RTN4: variants seen among roughly 807,000 people sequenced by gnomAD.
RTN4 encodes the protein reticulon-4.
Under a neutral mutation model 90.4 loss-of-function variants are expected in RTN4, and 32 were observed. The ratio of observed to expected loss-of-function variants is 0.35; its 90% CI spans 0.27 to 0.48. RTN4 has a LOEUF of 0.48. Ranked by LOEUF, RTN4 falls within the 20% of genes least tolerant of loss-of-function variation. RTN4 has a pLI of 0.99. For synonymous variants in RTN4, 629 were observed against 552.5 expected (o/e 1.14, Z -1.94); for missense variants, 1,706 against 1,430.2 (o/e 1.19, Z -3.11).
intron 3 of RTN4, among the ~76,000 whole-genome samples, chr2:55,022,716 C>T (rs1188736439): frequency 6.6e-6 from 1 of 152,130 alleles, no homozygotes; most frequent in Non-Finnish European, 1.5e-5. Flanking sequence ...CCTGCCATCA[C>T]CCTGGGTGAC....
At chr2:55,053,618 A>G (rs1433694074), upstream of RTN4, among the ~76,000 whole-genome samples, 1 of 151,218 alleles carries the variant, frequency 6.6e-6, no homozygotes, top group African/African-American at 2.4e-5. Flanking sequence ...CCTGAGAGGC[A>G]GGGGTTGCAG....
chr2:55,014,705 C>T (rs1190993029), intron 3 of RTN4, among the ~76,000 whole-genome samples: 3 of 151,892 alleles, frequency 2.0e-5, no homozygotes, highest in Admixed American at 6.6e-5. Context: ...TTAGTAGAGA[C>T]GAGGATTCAC....
At chr2:55,087,426 A>T (rs1668861517) in intron 1 of RTN4, among the ~76,000 whole-genome samples, 1 of 152,206 alleles carries the variant, frequency 6.6e-6, no homozygotes, top group South Asian at 2.1e-4. Context: ...TATTCATACA[A>T]TGTATAACAT....
chr2:55,113,727 C>T (rs1270086816), upstream of RTN4, among the ~76,000 whole-genome samples: 1 of 152,202 alleles, frequency 6.6e-6, no homozygotes, highest in African/African-American at 2.4e-5. Flanking sequence ...GCACCTATTA[C>T]TCCTGTAGAA....
At chr2:55,014,965 A>C (rs1349182526) in intron 3 of RTN4, among the ~76,000 whole-genome samples, 1 of 152,212 alleles carries the variant, frequency 6.6e-6, no homozygotes, top group East Asian at 1.9e-4. Flanking sequence ...GTATGATTAA[A>C]GCATTTGTTT....
At chr2:54,996,618 C>T (rs1405852437) in intron 3 of RTN4, among the ~76,000 whole-genome samples, 1 of 152,206 alleles carries the variant, frequency 6.6e-6, no homozygotes, top group African/African-American at 2.4e-5. Flanking sequence ...GGTGCTAGGA[C>T]AACTGGATAT....
At position 54,992,999 on chromosome 2, in the gene RTN4, G is replaced by A. The variant is rs374853352; in HGVS notation, c.3014-5301C>T. 4.0e-5 allele frequency among the ~76,000 whole-genome samples: 6 copies of A among 148,988 alleles called. No individual in the cohort carries two copies. The East Asian group carries it at 5.9e-4, about 15-fold the overall frequency. ...TGAGGCAGGAGAATGGCGTGAACCC[G>A]AGAGGCGGAGGTTGCAGTGAGCCGA... On this transcript the variant is annotated intron_variant, in intron 3 of 8. Transcript: ENST00000337526.
intron 3 of RTN4, among the ~76,000 whole-genome samples, chr2:55,020,800 G>A (rs1449561507): frequency 6.6e-6 from 1 of 152,072 alleles, no homozygotes; most frequent in Non-Finnish European, 1.5e-5. Flanking sequence ...CTTGAACACA[G>A]GAGTTTGAGA....
chr2:54,980,323 A>G (rs1009501538), intron 5 of RTN4, among the ~76,000 whole-genome samples: 2 of 137,428 alleles, frequency 1.5e-5, no homozygotes, highest in Admixed American at 7.1e-5. Flanking sequence ...CCTTTCTAAC[A>G]TTTTCTCTCT....
At chr2:55,078,343 A>T (rs1668640987) in intron 2 of RTN4, among the ~76,000 whole-genome samples, 1 of 152,098 alleles carries the variant, frequency 6.6e-6, no homozygotes. Context: ...GGCTCAAGTG[A>T]TCCTCCCACC....
In RTN4 at chr2:55,027,130, T is replaced by A; in HGVS notation, c.969A>T (p.Ile323=). 1 of 1,613,508 alleles carries A rather than the reference T, an allele frequency of 6.2e-7. No individual in the cohort carries two copies. The highest frequency in any genetic ancestry group is 1.1e-5 in the South Asian group (1 of 91,062). ...CTTCTTCATCTTTATTTTTCACGATTATTTCTTCCCTAGGATTTGCTACTA... is the reference window on the plus strand; with the variant it reads ...CTTCTTCATCTTTATTTTTCACGATAATTTCTTCCCTAGGATTTGCTACTA... ...AVIVANPREE[I]IVKNKDEEEK... The change falls in exon 3 of 9, where the codon ATA becomes ATT. Residue 323 remains isoleucine, a synonymous_variant. Coordinates refer to ENST00000337526, the MANE Select transcript of RTN4 (RefSeq NM_020532.5).
intron 3 of RTN4, chr2:55,014,449 G>A (rs1046440594): frequency 5.3e-5 from 8 of 151,872 alleles, no homozygotes; most frequent in Non-Finnish European, 8.8e-5. Context: ...AATTCTATGC[G>A]TCATTCTTGT....
chr2:54,973,379 AAC>A, intron 8 of RTN4, 181 bp from the exon 9 acceptor site: 1 of 757,268 alleles, frequency 1.3e-6, no homozygotes, highest in Non-Finnish European at 2.2e-6. Flanking sequence ...CAAAGCCTTA[AAC>A]ACATAATAAA....
At chr2:54,990,031 G>A (rs1381632801) in intron 3 of RTN4, among the ~76,000 whole-genome samples, 1 of 152,044 alleles carries the variant, frequency 6.6e-6, no homozygotes, top group Non-Finnish European at 1.5e-5. Context: ...GAAAACTTAG[G>A]TTCTATAGTT....
At chr2:55,051,439 A>T (rs972171776), upstream of RTN4, among the ~76,000 whole-genome samples, 1 of 152,250 alleles carries the variant, frequency 6.6e-6, no homozygotes. Context: ...TTGGTTTGAT[A>T]TGCAGGAATA....
chr2:55,108,989 T>A (rs1667990861), intron 1 of RTN4, among the ~76,000 whole-genome samples: 1 of 152,100 alleles, frequency 6.6e-6, no homozygotes, highest in Admixed American at 6.5e-5. Flanking sequence ...CGTTTCCAAG[T>A]GACAGCAGGC....
At chr2:55,089,844 G>A (rs182847799) in intron 1 of RTN4, among the ~76,000 whole-genome samples, 2 of 152,226 alleles carry the variant, frequency 1.3e-5, no homozygotes, top group African/African-American at 4.8e-5. Flanking sequence ...CCAGGCATGT[G>A]GTAAAAAGGT....
chr2:55,010,495 A>C, intron 3 of RTN4: 1 of 331,974 alleles, frequency 3.0e-6, no homozygotes, highest in Non-Finnish European at 4.5e-6. Context: ...AATGTATCTG[A>C]AATGCAATTA....
At chr2:55,122,176 G>T in the RTN4 span, among the ~76,000 whole-genome samples, 1 of 151,868 alleles carries the variant, frequency 6.6e-6, no homozygotes, top group Non-Finnish European at 1.5e-5. Context: ...AGAGGATTTT[G>T]CCATGTTGCC....
Sources: allele counts gnomAD v4.1 joint callset (sites outside exome capture counted in the v4.1 genomes callset), GRCh38; gene constraint gnomAD v4.1.1; transcripts MANE v1.5; gene names NCBI Gene and HGNC (gene_info 2026-07-23, HGNC 2026-07-21).